The following SSUH2 variants were observed in gnomAD, a reference collection of about 807,000 sequenced individuals.
SSUH2 encodes protein SSUH2 homolog.
Under a neutral mutation model 55.3 loss-of-function variants are expected in SSUH2, and 47 were observed. The ratio of observed to expected loss-of-function variants is 0.85; its 90% confidence interval spans 0.67 to 1.08. SSUH2 has a LOEUF of 1.08. Among genes scored for constraint, SSUH2 ranks in the 50% least tolerant of loss-of-function variants. The pLI is 0.00. For missense variants in SSUH2, 535 were observed against 490.7 expected, an observed-to-expected ratio of 1.09 and a Z score of -0.85; for synonymous variants, 212 against 191.5, an observed-to-expected ratio of 1.11 and a Z score of -0.89.
chr3:8,646,227 T>G (rs889532005), upstream of SSUH2, among the ~76,000 whole-genome samples: 1 of 152,218 alleles, frequency 6.6e-6, no homozygotes, highest in East Asian at 1.9e-4. Flanking sequence ...TGTGTTTGCA[T>G]GTGTGTATAT....
At chr3:8,628,938 C>A (rs571706988) in intron 7 of SSUH2, among the ~76,000 whole-genome samples, 47 of 152,392 alleles carry the variant, frequency 3.1e-4, no homozygotes, top group South Asian at 1.7e-3. Context: ...TCACTGCAAG[C>A]TCTGCCTCCT....
At chr3:8,625,518 T>C (rs1697352730) in intron 10 of SSUH2, 24 bp downstream of exon 10, 2 of 1,485,038 alleles carry the variant, frequency 1.3e-6, no homozygotes, top group Non-Finnish European at 1.9e-6. Context: ...GCTTCCTTTG[T>C]TCCCATCTAC....
chr3:8,638,339 C>T (rs1700256443), intron 1 of SSUH2, among the ~76,000 whole-genome samples: 1 of 152,220 alleles, frequency 6.6e-6, no homozygotes, highest in South Asian at 2.1e-4. Context: ...TCCTTGTCCT[C>T]TGACAATAAG....
At chr3:8,670,094 C>CA (rs1216734533) in intron 5 of SSUH2, among the ~76,000 whole-genome samples, 1 of 152,068 alleles carries the variant, frequency 6.6e-6, no homozygotes, top group Non-Finnish European at 1.5e-5. Flanking sequence ...CCTAGGCCCC[C>CA]CAGAGTAGAC....
At chr3:8,620,657 C>T (rs1696234109) in intron 11 of SSUH2, among the ~76,000 whole-genome samples, 1 of 152,190 alleles carries the variant, frequency 6.6e-6, no homozygotes, top group Non-Finnish European at 1.5e-5. Flanking sequence ...CAGGCATCCC[C>T]AGGGGAGTTC....
intron 3 of SSUH2, 154 bp from the exon 4 acceptor site, chr3:8,633,949 G>A: frequency 5.6e-6 from 9 of 1,613,694 alleles, no homozygotes; most frequent in Non-Finnish European, 7.6e-6. Context: ...CTCCTGCAAA[G>A]GGGACCATGT....
chr3:8,674,269 G>A (rs532776330), intron 3 of SSUH2, among the ~76,000 whole-genome samples: 72 of 152,326 alleles, frequency 4.7e-4, no homozygotes, highest in Middle Eastern at 6.8e-3. Flanking sequence ...GGTTTGCAGC[G>A]TAACCAGTGT....
At chr3:8,680,515 G>A (rs772611265) in intron 1 of SSUH2, among the ~76,000 whole-genome samples, 21 of 152,052 alleles carry the variant, frequency 1.4e-4, no homozygotes, top group African/African-American at 2.4e-4. Flanking sequence ...CAGTATCACA[G>A]GGGTGTTTCT....
At chr3:8,665,350 G>C (rs1575349058) in intron 5 of SSUH2, among the ~76,000 whole-genome samples, 1 of 152,186 alleles carries the variant, frequency 6.6e-6, no homozygotes, top group Non-Finnish European at 1.5e-5. Flanking sequence ...AGGACCCTCG[G>C]TCATCTTTTA....
chr3:8,651,340 A>G (rs1467535757), intron 7 of SSUH2, among the ~76,000 whole-genome samples: 2 of 152,176 alleles, frequency 1.3e-5, no homozygotes, highest in Non-Finnish European at 2.9e-5. Context: ...GCTGACGGTG[A>G]GCACTTGTTG....
chr3:8,633,674 G>A lies in SSUH2; in HGVS notation c.331C>T (p.Leu111Phe), dbSNP rs757018233. 1 of 1,523,144 alleles carries A rather than the reference G, an allele frequency of 6.6e-7. No individual in the cohort carries two copies. Among genetic ancestry groups the A allele is most frequent in the Admixed American group, 2.1e-5 (1 of 46,926 alleles). 94.4% of individuals were successfully genotyped at this position (1,523,144 alleles called of 1,614,324 possible). Residue 111 changes from leucine to phenylalanine, a missense_variant, in exon 4 of 12, where the codon CTC becomes TTC. Transcript: ENST00000544814. ...CGGCCCTGGCCTCTCACCCTGCAGA[G>A]GGTCTGCCGCTTCAGCTCCTGGATG... Reference protein sequence around the residue: ...LVIQELKRQTLCRYRLETFSE... With the variant: ...LVIQELKRQTFCRYRLETFSE...
intron 2 of SSUH2, among the ~76,000 whole-genome samples, chr3:8,677,743 A>G (rs35281555): frequency 6.0e-5 from 9 of 150,794 alleles, no homozygotes; most frequent in South Asian, 4.3e-4. Context: ...CTGCTAGTAC[A>G]AGAAGCAAAT....
rs142057178 is a variant in SSUH2 at position 8,627,716 on chromosome 3, G to A, written c.656C>T (p.Ala219Val). Residue 219 changes from alanine (A) to valine (V), a missense_variant, in exon 8 of 12, where the codon GCG becomes GTG. By Grantham distance (64) the Ala-to-Val change is moderately conservative. Transcript: ENST00000544814. ...CCCCTACCTTCGCCTGCCGGACCCC[G>A]CGCACAGCTGACATCTCCGGGACTG... Reference protein sequence around the residue: ...AKQSRRCQLCAGSGRRRCSTC... With the variant: ...AKQSRRCQLCVGSGRRRCSTC... 1,489 of 1,605,610 alleles carry A rather than the reference G, an allele frequency of 9.3e-4. 10 individuals carry two copies. In the African/African-American group the frequency reaches 0.016, roughly 18 times the overall value.
At chr3:8,656,355 GGCCTCCTGGAACCTCGCTGCTGCCC>G (rs1278301258) in intron 7 of SSUH2, among the ~76,000 whole-genome samples, 3 of 152,218 alleles carry the variant, frequency 2.0e-5, no homozygotes, top group Non-Finnish European at 2.9e-5. Flanking sequence ...CAGGAAATGA[GGCCTCCTGGAACCTCGCTGCTGCCC>G]GCCTCCTGGC....
chr3:8,633,768 G>A lies in SSUH2; in HGVS notation c.237C>T (p.Ala79=), dbSNP rs180871281. 4 of 1,611,636 alleles carry A rather than the reference G, an allele frequency of 2.5e-6. No individual in the cohort carries two copies. In the African/African-American group the frequency reaches 5.3e-5, roughly 21 times the overall value. The change falls in exon 4 of 12, where the codon GCC becomes GCT. Residue 79 remains alanine (A), a synonymous_variant. Transcript: ENST00000544814. The part of the protein sequence containing the change: ...HRVPAMTEEV[A]REALLSFVDS... ...CCACAAAGCTGAGGAGGGCTTCCCG[G>A]GCCACCTCCTCCGTCATCGCAGGGA...
intron 3 of SSUH2, chr3:8,634,193 C>A: frequency 1.7e-6 from 1 of 595,856 alleles, no homozygotes; most frequent in Non-Finnish European, 2.8e-6. Flanking sequence ...CCTCGGGTAC[C>A]TTGACCTTAG....
At chr3:8,646,653 G>A (rs564904324), upstream of SSUH2, among the ~76,000 whole-genome samples, 11 of 152,340 alleles carry the variant, frequency 7.2e-5, no homozygotes, top group East Asian at 2.1e-3. Context: ...CCGTACAGAA[G>A]TGCTGTCTGC....
intron 4 of SSUH2, among the ~76,000 whole-genome samples, chr3:8,671,665 A>G (rs1704579621): frequency 6.6e-6 from 1 of 152,054 alleles, no homozygotes; most frequent in Admixed American, 6.6e-5. Flanking sequence ...CAATATTACG[A>G]ATAATATCGC....
At chr3:8,637,022 A>G (rs1700032856) in intron 1 of SSUH2, among the ~76,000 whole-genome samples, 1 of 152,162 alleles carries the variant, frequency 6.6e-6, no homozygotes, top group Non-Finnish European at 1.5e-5. Context: ...TGATTTTTCT[A>G]CTTTATGATG....
Sources: allele counts gnomAD v4.1 joint callset (sites outside exome capture counted in the v4.1 genomes callset), GRCh38; gene constraint gnomAD v4.1.1; transcripts MANE v1.5; gene names NCBI Gene and HGNC (gene_info 2026-07-23, HGNC 2026-07-21).